The following MRC1 variants were observed in gnomAD, a reference collection of about 807,000 sequenced individuals.
MRC1 encodes the protein mannose receptor C-type 1, also known as macrophage mannose receptor 1.
In MRC1, 62 loss-of-function variants were observed where a neutral mutation model predicts 102.9. The ratio of observed to expected loss-of-function variants is 0.60; its 90% confidence interval spans 0.49 to 0.74. MRC1 has a LOEUF of 0.74. Ranked by LOEUF, MRC1 falls within the 30% of genes least tolerant of loss-of-function variation. The pLI, the probability that MRC1 is intolerant of heterozygous loss-of-function variation, is 0.00. For synonymous variants in MRC1, 457 were observed against 298.4 expected (o/e 1.53, Z -5.48); for missense variants, 1,237 against 862.8 (o/e 1.43, Z -5.43).
chr10:17,881,300 T>TG (rs1833512971), intron 21 of MRC1, 119 bp downstream of exon 21: 1 of 706,636 alleles, frequency 1.4e-6, no homozygotes, highest in Non-Finnish European at 2.6e-6. Context: ...GCTAAAAAAG[T>TG]GGAAAAAATC....
At position 17,910,122 on chromosome 10, in the gene MRC1, A is replaced by G. The variant is rs2130729181; in HGVS notation, c.4121-93A>G. On this transcript the variant is annotated intron_variant, in intron 29 of 29. Transcript: ENST00000569591. Reference sequence around the variant, plus strand: ...ACAAATGTCGCTTGAAAGAATATTTATGCCTTTTAGTTTTTCAACAAGCGA... The same window carrying G: ...ACAAATGTCGCTTGAAAGAATATTTGTGCCTTTTAGTTTTTCAACAAGCGA... 9.1e-6 allele frequency: 7 copies of G among 768,848 alleles called. No homozygotes were observed. The South Asian group carries it at 9.7e-5, about 11-fold the overall frequency. The allele number at this position is 768,848 out of a possible 1,614,324, so 47.6% of individuals were successfully genotyped here.
Position 17,828,705 on chromosome 10 carries a change from C to T in MRC1, c.637+990C>T, listed in dbSNP as rs1455957733. Among the ~76,000 whole-genome samples, 4 of 151,450 alleles carry T rather than the reference C, an allele frequency of 2.6e-5. 1 individual carries two copies. The highest frequency in any genetic ancestry group is 7.4e-5 in the African/African-American group (3 of 40,766). ...CACACAGCTAGAAATCAATGGAACTCGGTAATTTATATGCTTCAAGGTTTC... is the reference window on the plus strand; with the variant it reads ...CACACAGCTAGAAATCAATGGAACTTGGTAATTTATATGCTTCAAGGTTTC... On this transcript the variant is annotated intron_variant, in intron 3 of 29. Transcript: ENST00000569591.
At chr10:17,816,296 C>T (rs917467668) in intron 1 of MRC1, among the ~76,000 whole-genome samples, 1 of 152,198 alleles carries the variant, frequency 6.6e-6, no homozygotes, top group Non-Finnish European at 1.5e-5. Flanking sequence ...GACAATTGCA[C>T]TCTGGTTTGA....
intron 2 of MRC1, among the ~76,000 whole-genome samples, chr10:17,826,451 C>G (rs1376980861): frequency 6.6e-6 from 1 of 152,194 alleles, no homozygotes; most frequent in Non-Finnish European, 1.5e-5. Context: ...ATCCGCCTGC[C>G]TTGGCCTCTC....
intron 18 of MRC1, among the ~76,000 whole-genome samples, chr10:17,878,785 C>T (rs1417237335): frequency 6.6e-6 from 1 of 152,114 alleles, no homozygotes; most frequent in Non-Finnish European, 1.5e-5. Flanking sequence ...GCTTCAGCCT[C>T]CCAAGTAGCT....
chr10:17,866,362 T>C (rs539615), intron 11 of MRC1, among the ~76,000 whole-genome samples, 200 bp from the exon 12 acceptor site: 66,351 of 150,946 alleles, frequency 0.44, 15,350 homozygotes, highest in East Asian at 0.61. Context: ...TTTGATAATA[T>C]AAAATATTTT....
chr10:17,843,329 T>C (rs1838777958), intron 5 of MRC1, among the ~76,000 whole-genome samples: 1 of 152,198 alleles, frequency 6.6e-6, no homozygotes, highest in African/African-American at 2.4e-5. Flanking sequence ...GATACCTTTA[T>C]GCTTATTACT....
intron 7 of MRC1, among the ~76,000 whole-genome samples, chr10:17,850,847 C>T (rs917389543): frequency 5.1e-4 from 77 of 152,176 alleles, no homozygotes; most frequent in East Asian, 1.5e-3. Context: ...TAAAAGTCCC[C>T]GAAACACTCC....
At chr10:17,839,364 A>G (rs1031843331) in intron 4 of MRC1, among the ~76,000 whole-genome samples, 26 of 152,342 alleles carry the variant, frequency 1.7e-4, no homozygotes, top group East Asian at 1.9e-4. Flanking sequence ...AGTTTTTTAA[A>G]ATCCCTGAGT....
intron 1 of MRC1, among the ~76,000 whole-genome samples, chr10:17,818,565 T>C (rs201843067): frequency 0.36 from 54,709 of 152,044 alleles, 10,362 homozygotes; most frequent in East Asian, 0.43. Context: ...TCCCAACACG[T>C]TGGGAGGCCG....
At chr10:17,909,465 G>C in intron 29 of MRC1, 118 bp downstream of exon 29, 1 of 718,306 alleles carries the variant, frequency 1.4e-6, no homozygotes, top group East Asian at 2.5e-5. Flanking sequence ...ATTTGCTTAA[G>C]CTAAACTATC....
intron 25 of MRC1, among the ~76,000 whole-genome samples, chr10:17,901,707 C>T (rs1833832047): frequency 6.6e-6 from 1 of 151,746 alleles, no homozygotes; most frequent in Non-Finnish European, 1.5e-5. Flanking sequence ...AAAAAATTAT[C>T]TTTGTAGGTA....
At chr10:17,864,746 T>C (rs930796718) in intron 11 of MRC1, among the ~76,000 whole-genome samples, 1 of 150,468 alleles carries the variant, frequency 6.6e-6, no homozygotes, top group African/African-American at 2.5e-5. Flanking sequence ...GGAGAATTGC[T>C]TGAACCTGGA....
chr10:17,840,311 AAAATTCTTAGAATAAGGTTTG>A (rs1460927382), intron 4 of MRC1, among the ~76,000 whole-genome samples: 1 of 152,180 alleles, frequency 6.6e-6, no homozygotes, highest in Non-Finnish European at 1.5e-5. Context: ...ATGATAAAAT[AAAATTCTTAGAATAAGGTTTG>A]AAATATGCAG....
At chr10:17,878,613 G>A (rs1833469654) in intron 18 of MRC1, among the ~76,000 whole-genome samples, 1 of 151,900 alleles carries the variant, frequency 6.6e-6, no homozygotes, top group African/African-American at 2.4e-5. Context: ...ATGTTCCAGG[G>A]GACTGCTATT....
chr10:17,829,398 G>T (rs1838534038), intron 3 of MRC1, among the ~76,000 whole-genome samples: 1 of 151,270 alleles, frequency 6.6e-6, no homozygotes, highest in South Asian at 2.1e-4. Context: ...TATTGTAATT[G>T]TCTTCAGAGT....
chr10:17,825,195 G>A (rs1838455053), intron 2 of MRC1, among the ~76,000 whole-genome samples: 1 of 152,126 alleles, frequency 6.6e-6, no homozygotes, highest in Non-Finnish European at 1.5e-5. Flanking sequence ...ATGTATTGTA[G>A]GGTCTCTGTA....
rs550001184 is a variant in MRC1, at chr10:17,830,606, A to G, written c.637+2891A>G. Among the ~76,000 whole-genome samples, 91 of 151,406 alleles carry G rather than the reference A, an allele frequency of 6.0e-4. 4 individuals carry two copies. The highest frequency in any genetic ancestry group is 2.2e-3 in the African/African-American group (90 of 40,726). On this transcript the variant is annotated intron_variant, in intron 3 of 29. Coordinates refer to ENST00000569591, the MANE Select transcript of MRC1 (RefSeq NM_002438.4). ...TTTCAAGTATCGTGAGAACAGGTAA[A>G]GGAAAATTCTTGGTTCTCTCAGTTC...
intron 3 of MRC1, among the ~76,000 whole-genome samples, chr10:17,829,011 C>G (rs1171551656): frequency 6.6e-6 from 1 of 151,456 alleles, no homozygotes; most frequent in South Asian, 2.1e-4. Context: ...TCCCAAACTT[C>G]TTACCCCCGA....
Sources: allele counts gnomAD v4.1 joint callset (sites outside exome capture counted in the v4.1 genomes callset), GRCh38; gene constraint gnomAD v4.1.1; transcripts MANE v1.5; gene names NCBI Gene and HGNC (gene_info 2026-07-23, HGNC 2026-07-21).